Variants in TNFRSF8 observed in about 807,000 individuals in gnomAD.
TNFRSF8 encodes TNF receptor superfamily member 8.
A neutral mutation model predicts 70.8 loss-of-function variants in TNFRSF8; 26 were observed. The observed-to-expected ratio is 0.37, with a 90% CI of 0.27 to 0.51. TNFRSF8 has a LOEUF of 0.51. TNFRSF8 is among the 20% of genes least tolerant of loss of function. The pLI is 0.94. For missense variants in TNFRSF8, 720 were observed against 807.9 expected (o/e 0.89, Z 1.32); for synonymous variants, 356 against 339.2 (o/e 1.05, Z -0.54).
At position 12,066,992 on chromosome 1, in the gene TNFRSF8, C is replaced by T. The variant is rs115088300; in HGVS notation, c.63+3331C>T. Among the ~76,000 whole-genome samples the T allele has an allele frequency of 3.6e-3, 549 of 152,290 alleles. 4 individuals are homozygous for T. The highest frequency in any genetic ancestry group is 0.012 in the African/African-American group (515 of 41,564). ...CATCTCTATTTGATTTTTCCCAAGACGCCATCATTTTTCGCCTGGTATTCT... is the reference window on the plus strand; with the variant it reads ...CATCTCTATTTGATTTTTCCCAAGATGCCATCATTTTTCGCCTGGTATTCT... On this transcript the variant is annotated intron_variant, in intron 1 of 14. Coordinates refer to ENST00000263932, the MANE Select transcript of TNFRSF8 (RefSeq NM_001243.5).
At chr1:12,064,625 T>A (rs1640706591) in intron 1 of TNFRSF8, among the ~76,000 whole-genome samples, 1 of 152,088 alleles carries the variant, frequency 6.6e-6, no homozygotes, top group Non-Finnish European at 1.5e-5. Context: ...GAGGACTCCA[T>A]GCTATGGATC....
intron 8 of TNFRSF8, among the ~76,000 whole-genome samples, chr1:12,116,772 C>T (rs1483419424): frequency 6.6e-6 from 1 of 152,020 alleles, no homozygotes; most frequent in Non-Finnish European, 1.5e-5. Context: ...TGAACTCCAG[C>T]CTGGGCAACA....
At chr1:12,068,734 C>T (rs1402817203) in intron 1 of TNFRSF8, among the ~76,000 whole-genome samples, 1 of 152,182 alleles carries the variant, frequency 6.6e-6, no homozygotes, top group Non-Finnish European at 1.5e-5. Context: ...GGCATGGCTC[C>T]AGGGACTTGC....
chr1:12,096,424 TAA>T (rs34433681), intron 2 of TNFRSF8, among the ~76,000 whole-genome samples: 13,868 of 135,012 alleles, frequency 0.1, 1,892 homozygotes, highest in African/African-American at 0.32. Flanking sequence ...GCTGATGAGC[TAA>T]AAAAAAAAAA....
At position 12,104,506 on chromosome 1, in the gene TNFRSF8, G is replaced by T. The variant is rs778414727; in HGVS notation, c.396G>T (p.Pro132=). Residue 132 remains proline (P), a synonymous_variant, in exon 4 of 15, where the codon CCG becomes CCT. Transcript: ENST00000263932. The part of the protein sequence containing the change: ...CARCFFHSVC[P]AGMIVKFPGT... ...GCTGCTTCTTCCATTCTGTCTGTCC[G>T]GCAGGGATGATTGTCAAGTTCCCAG... 2.2e-5 allele frequency: 35 copies of T among 1,614,016 alleles called. No individual in the cohort carries two copies. The highest frequency in any genetic ancestry group is 2.9e-5 in the Non-Finnish European group (34 of 1,180,034).
chr1:12,134,168 G>T (rs1184070471), intron 12 of TNFRSF8, among the ~76,000 whole-genome samples: 1 of 152,234 alleles, frequency 6.6e-6, no homozygotes, highest in Non-Finnish European at 1.5e-5. Context: ...GCATATCTGT[G>T]AGGACTCAGG....
At chr1:12,123,117 A>C (rs4846096) in intron 8 of TNFRSF8, among the ~76,000 whole-genome samples, 167 bp from the exon 9 acceptor site, 102,093 of 152,110 alleles carry the variant, frequency 0.67, 35,615 homozygotes, top group African/African-American at 0.86. Context: ...GTGTGAGCCA[A>C]TGTGCCTGGC....
At chr1:12,097,244 C>T in intron 3 of TNFRSF8, 27 bp downstream of exon 3, 2 of 1,578,874 alleles carry the variant, frequency 1.3e-6, no homozygotes, top group East Asian at 2.2e-5. Flanking sequence ...CTCTCCAGGG[C>T]CTCCTTCTAG....
At chr1:12,094,784 C>A (rs963507457) in intron 2 of TNFRSF8, among the ~76,000 whole-genome samples, 2 of 152,004 alleles carry the variant, frequency 1.3e-5, no homozygotes, top group African/African-American at 4.8e-5. Flanking sequence ...TACCACCATG[C>A]CCGGCTAATT....
chr1:12,092,017 C>T (rs1310417729), intron 2 of TNFRSF8, among the ~76,000 whole-genome samples: 1 of 152,184 alleles, frequency 6.6e-6, no homozygotes. Context: ...TGTGTGGCCC[C>T]GTTCCTAACA....
chr1:12,089,035 G>T (rs1641201735), intron 2 of TNFRSF8, among the ~76,000 whole-genome samples: 1 of 152,122 alleles, frequency 6.6e-6, no homozygotes. Context: ...CATTCCTCAG[G>T]GTCCACTTAA....
intron 10 of TNFRSF8, among the ~76,000 whole-genome samples, chr1:12,124,481 G>A (rs973538454): frequency 6.6e-6 from 1 of 152,214 alleles, no homozygotes; most frequent in African/African-American, 2.4e-5. Flanking sequence ...TAATGGCAGA[G>A]ACCGTGCAGG....
chr1:12,126,835 G>C (rs553564807), intron 12 of TNFRSF8, among the ~76,000 whole-genome samples: 2 of 152,242 alleles, frequency 1.3e-5, no homozygotes, highest in Non-Finnish European at 1.5e-5. Context: ...TGGATTCGTC[G>C]AGGTCGGGCT....
chr1:12,127,341 G>T (rs1641960193), intron 12 of TNFRSF8, among the ~76,000 whole-genome samples: 1 of 152,250 alleles, frequency 6.6e-6, no homozygotes, highest in South Asian at 2.1e-4. Context: ...GAGGAGGCAG[G>T]GCTCAGCAAG....
Position 12,138,179 on chromosome 1 carries a change from G to A in TNFRSF8, c.1336-50G>A. 1 of 1,592,082 alleles carries A rather than the reference G, an allele frequency of 6.3e-7. No homozygotes were observed. Among genetic ancestry groups the A allele is most frequent in the Non-Finnish European group, 8.6e-7 (1 of 1,164,696 alleles). On this transcript the variant is annotated intron_variant, in intron 13 of 14. Transcript: ENST00000263932. This position sits in a 1 kb window ranked among gnomAD's most constrained non-coding sequence, Gnocchi z 5.7. ...AAAGGGGCCTCCCAGTTCAGAGACT[G>A]GTGGGGAGGTTGGGGGTACCCTGCA...
chr1:12,088,167 C>A lies in TNFRSF8; in HGVS notation c.151+3616C>A, dbSNP rs911158888. ...CATCGAATCCCTCCTTGCACCCAGG[C>A]CTGTGATGCCCTCTCCAGCATTCCT... On this transcript the variant is annotated intron_variant, in intron 2 of 14. Transcript: ENST00000263932. The surrounding 1 kb of genome is among the most constrained non-coding windows in gnomAD (Gnocchi z 4.0). Among the ~76,000 whole-genome samples the A allele has an allele frequency of 6.6e-6, 1 of 152,070 alleles. No individual in the cohort carries two copies. Among genetic ancestry groups the A allele is most frequent in the Admixed American group, 6.5e-5 (1 of 15,270 alleles).
chr1:12,122,624 G>A (rs951472114), intron 8 of TNFRSF8, among the ~76,000 whole-genome samples: 1 of 151,834 alleles, frequency 6.6e-6, no homozygotes, highest in Admixed American at 6.6e-5. Flanking sequence ...TCCAGTCTGG[G>A]CAGCAGAGGA....
In TNFRSF8 at chr1:12,110,118, G is replaced by C. The variant is rs745606945; in HGVS notation, c.590G>C (p.Gly197Ala). ...GCCAGCACCATGCCTGTAAGAGGGG[G>C]CACCCGCCTCGCCCAGGAAGCTGCT... is the stretch of plus-strand genomic sequence containing the variant. The part of the protein sequence containing the change: ...SSASTMPVRG[G>A]TRLAQEAASK... The change falls in exon 6 of 15, where the codon GGC (glycine) becomes GCC (alanine). Residue 197 changes from glycine (G) to alanine (A), a missense_variant. Transcript: ENST00000263932. The surrounding 1 kb of genome is among the most constrained non-coding windows in gnomAD (Gnocchi z 4.0). 2 of 1,611,940 alleles carry C rather than the reference G, an allele frequency of 1.2e-6. No homozygotes were observed. Among genetic ancestry groups the C allele is most frequent in the Non-Finnish European group, 8.5e-7 (1 of 1,178,928 alleles).
intron 2 of TNFRSF8, among the ~76,000 whole-genome samples, chr1:12,093,590 G>C (rs1436881276): frequency 6.6e-6 from 1 of 152,030 alleles, no homozygotes; most frequent in African/African-American, 2.4e-5. Context: ...GTCCAGGCTG[G>C]GGTGCAGTGG....
Sources: allele counts gnomAD v4.1 joint callset (sites outside exome capture counted in the v4.1 genomes callset), GRCh38; gene constraint gnomAD v4.1.1; non-coding constraint Gnocchi (gnomAD v3.1); transcripts MANE v1.5; gene names NCBI Gene and HGNC (gene_info 2026-07-23, HGNC 2026-07-21).